ACTN3: variants seen among roughly 807,000 people sequenced by gnomAD.
The protein encoded by ACTN3 is actinin alpha 3.
In ACTN3, 91 loss-of-function variants were observed where a neutral mutation model predicts 119.6. That is an observed-to-expected ratio of 0.76 (90% confidence interval 0.64 to 0.91). The LOEUF (loss-of-function observed/expected upper bound fraction) is 0.91. Among genes scored for constraint, ACTN3 ranks in the 40% least tolerant of loss-of-function variants. ACTN3 has a pLI of 0.00. For synonymous variants in ACTN3, 456 were observed against 478.8 expected, an observed-to-expected ratio of 0.95 and a Z score of 0.62; for missense variants, 1,221 against 1,215.1, an observed-to-expected ratio of 1.00 and a Z score of -0.07.
In ACTN3 at chr11:66,547,016, A is replaced by C. The variant is rs773265708; in HGVS notation, c.79A>C (p.Met27Leu). The C allele has an allele frequency of 6.6e-7, 1 of 1,524,828 alleles. No individual in the cohort carries two copies. The highest frequency in any genetic ancestry group is 1.4e-5 in the African/African-American group (1 of 71,800). 94.5% of individuals were successfully genotyped at this position (1,524,828 alleles called of 1,614,324 possible). A position where few individuals can be genotyped will look rare whatever the true frequency, so the allele number is the denominator to read the frequency against. Residue 27 changes from methionine to leucine, a missense_variant, in exon 1 of 21, where the codon ATG becomes CTG. Around this residue, in one of 3 missense-constraint regions of ACTN3, gnomAD observed 239 missense variants for 231.8 expected, o/e 1.03. Coordinates refer to ENST00000513398, the MANE Select transcript of ACTN3 (RefSeq NM_001104.4). ...GGGCGGCGGCGGGGGCGGCGAGTACATGGAACAGGAGGAGGACTGGGACCG... is the reference window on the plus strand; with the variant it reads ...GGGCGGCGGCGGGGGCGGCGAGTACCTGGAACAGGAGGAGGACTGGGACCG... ...FAGGGGGGEY[M>L]EQEEDWDRDL...
intron 19 of ACTN3, 155 bp from the exon 20 acceptor site, chr11:66,562,641 A>C (rs1045264627): frequency 1.3e-5 from 5 of 373,418 alleles, no homozygotes; most frequent in Non-Finnish European, 1.8e-5. Flanking sequence ...ACCATAAAGG[A>C]CTTCCTACAG....
At chr11:66,546,424 C>T (rs1590800816), upstream of ACTN3, 1 of 1,010,626 alleles carries the variant, frequency 9.9e-7, no homozygotes, top group East Asian at 2.6e-5. Flanking sequence ...ATCCAGCTGG[C>T]TCAGAGCCGT....
In ACTN3 at chr11:66,551,263, C is replaced by A. The variant is rs1168827560; in HGVS notation, c.172C>A (p.His58Asn). The change falls in exon 2 of 21, where the codon CAC (histidine) becomes AAC (asparagine). Residue 58 changes from histidine (H) to asparagine (N), a missense_variant. By Grantham distance (68) the His-to-Asn change is moderately conservative. This residue lies in a region of ACTN3 where 239 missense variants were observed against 231.8 expected (regional missense o/e 1.03). Transcript: ENST00000513398. ...GACCTTCACTGCCTGGTGCAACTCACACCTGCGCAAGGCAGGCACCCAGAT... is the reference window on the plus strand; with the variant it reads ...GACCTTCACTGCCTGGTGCAACTCAAACCTGCGCAAGGCAGGCACCCAGAT... ...RKTFTAWCNS[H>N]LRKAGTQIEN... 2.5e-6 allele frequency: 4 copies of A among 1,611,568 alleles called. No homozygotes were observed. Among genetic ancestry groups the A allele is most frequent in the Non-Finnish European group, 3.4e-6 (4 of 1,178,924 alleles).
chr11:66,556,997 G>A (rs977303232), intron 8 of ACTN3, 136 bp from the exon 9 acceptor site: 14 of 654,726 alleles, frequency 2.1e-5, no homozygotes, highest in African/African-American at 1.1e-4. Context: ...TCCTGACCTC[G>A]TGATCCGCCC....
intron 1 of ACTN3, chr11:66,550,991 C>G (rs1243810942): frequency 3.2e-6 from 2 of 626,152 alleles, no homozygotes; most frequent in Admixed American, 4.2e-5. Context: ...TGCTGGTGGC[C>G]GGGTGCCCCA....
intron 4 of ACTN3, 85 bp downstream of exon 4, chr11:66,554,216 C>A: frequency 1.7e-6 from 2 of 1,165,478 alleles, no homozygotes; most frequent in Non-Finnish European, 2.5e-6. Flanking sequence ...GGCGGGCAGA[C>A]CACTTGAAGG....
At chr11:66,549,774 C>T (rs990886328) in intron 1 of ACTN3, among the ~76,000 whole-genome samples, 1 of 149,434 alleles carries the variant, frequency 6.7e-6, no homozygotes, top group African/African-American at 2.5e-5. Flanking sequence ...TTTGGCACCA[C>T]CCAGACCTGC....
chr11:66,551,143 C>G (rs1182279288), intron 1 of ACTN3, 96 bp from the exon 2 acceptor site: 2 of 892,230 alleles, frequency 2.2e-6, no homozygotes, highest in African/African-American at 1.7e-5. Flanking sequence ...TCCAGAAATA[C>G]AAGGCTCTGA....
intron 4 of ACTN3, 74 bp from the exon 5 acceptor site, chr11:66,554,462 A>AG: frequency 8.1e-7 from 1 of 1,232,912 alleles, no homozygotes; most frequent in Non-Finnish European, 1.1e-6. Flanking sequence ...GTCTCAAAAA[A>AG]AAAAAAAAAA....
At chr11:66,562,607 T>C (rs754613917) in intron 19 of ACTN3, 189 bp from the exon 20 acceptor site, 49 of 259,174 alleles carry the variant, frequency 1.9e-4, no homozygotes, top group Non-Finnish European at 2.9e-4. Context: ...CTTCCTGCTG[T>C]GGGTAGGATG....
At chr11:66,559,119 C>T (rs1857672028) in intron 11 of ACTN3, 117 bp from the exon 12 acceptor site, 2 of 1,130,180 alleles carry the variant, frequency 1.8e-6, no homozygotes, top group Admixed American at 3.5e-5. Flanking sequence ...ATCCCTAGGA[C>T]GAGCTAGGCC....
At chr11:66,556,906 G>T (rs986430024) in intron 8 of ACTN3, among the ~76,000 whole-genome samples, 15 of 152,180 alleles carry the variant, frequency 9.9e-5, no homozygotes, top group East Asian at 3.9e-4. Context: ...GACTACAGGC[G>T]CCCACCACCA....
At chr11:66,551,093 T>G in intron 1 of ACTN3, 146 bp from the exon 2 acceptor site, 1 of 721,484 alleles carries the variant, frequency 1.4e-6, no homozygotes. Flanking sequence ...TGGCCCAGGA[T>G]GCACAGCAAG....
chr11:66,560,401 G>T, intron 14 of ACTN3, 90 bp downstream of exon 14: 1 of 1,510,440 alleles, frequency 6.6e-7, no homozygotes, highest in East Asian at 2.4e-5. Flanking sequence ...CTGGGGCATA[G>T]GGATGGGAGG....
intron 3 of ACTN3, among the ~76,000 whole-genome samples, chr11:66,552,782 G>C (rs1283362594): frequency 6.6e-6 from 1 of 151,686 alleles, no homozygotes; most frequent in African/African-American, 2.4e-5. Context: ...CCTTGACCCT[G>C]GGAGGCGGAG....
At chr11:66,548,493 T>G (rs1408131354) in intron 1 of ACTN3, among the ~76,000 whole-genome samples, 1 of 152,150 alleles carries the variant, frequency 6.6e-6, no homozygotes, top group Non-Finnish European at 1.5e-5. Flanking sequence ...GCAGTCACCA[T>G]CTCATCATCT....
intron 1 of ACTN3, among the ~76,000 whole-genome samples, chr11:66,548,427 T>C (rs1174760208): frequency 6.6e-6 from 1 of 152,094 alleles, no homozygotes; most frequent in Non-Finnish European, 1.5e-5. Flanking sequence ...CGTGCCAGTC[T>C]GTAACTTGCC....
chr11:66,551,232 C>T lies in ACTN3; in HGVS notation c.148-7C>T, dbSNP rs887165185. On this transcript the variant is annotated splice_region_variant and splice_polypyrimidine_tract_variant and intron_variant, in intron 1 of 20. Transcript: ENST00000513398. ...CGTAGGGTTTGAGTGCTGTCCTCTG[C>T]CCCTAGACCTTCACTGCCTGGTGCA... 1 of 1,599,038 alleles carries T rather than the reference C, an allele frequency of 6.3e-7. No individual in the cohort carries two copies. The highest frequency in any genetic ancestry group is 1.7e-5 in the Admixed American group (1 of 58,176).
chr11:66,546,871 C>A, upstream of ACTN3: 1 of 1,509,938 alleles, frequency 6.6e-7, no homozygotes, highest in Non-Finnish European at 8.8e-7. Context: ...CTGGGCTGGG[C>A]CCTACTTAAT....
Sources: allele counts gnomAD v4.1 joint callset (sites outside exome capture counted in the v4.1 genomes callset), GRCh38; gene constraint gnomAD v4.1.1; regional missense constraint gnomAD v4.1.1; transcripts MANE v1.5; gene names NCBI Gene and HGNC (gene_info 2026-07-23, HGNC 2026-07-21).